Variants in CCDC82 observed in about 807,000 individuals in gnomAD.
CCDC82 encodes the protein coiled-coil domain-containing protein 82.
CCDC82 carries 47 observed loss-of-function variants against 60.6 expected under a neutral mutation model. That is an observed-to-expected ratio of 0.77 (90% confidence interval 0.61 to 0.99). The LOEUF is 0.99. Ranked by LOEUF, CCDC82 falls within the 50% of genes least tolerant of loss-of-function variation. The probability of loss-of-function intolerance (pLI) is 0.00; values close to 1 mark genes in which losing one functional copy is unlikely to be tolerated. For missense variants in CCDC82, 588 were observed against 633.0 expected, an observed-to-expected ratio of 0.93 and a Z score of 0.76; for synonymous variants, 212 against 207.4, an observed-to-expected ratio of 1.02 and a Z score of -0.19.
At chr11:96,383,205 A>AT in intron 5 of CCDC82, 64 bp downstream of exon 5, 1 of 970,918 alleles carries the variant, frequency 1.0e-6, no homozygotes, top group Non-Finnish European at 1.7e-6. Context: ...TAAAAGGCTA[A>AT]TTTGATACTT....
rs1565300322 is a variant in CCDC82 at position 96,359,166 on chromosome 11, C to T, written c.1393G>A (p.Gly465Ser). ...CTGGTACGGCTGGCACAAATTCTGC[C>T]AACAGTGAACACCTAAATCAAGAAA... ...MSHDKQVFTVGRICASRTRIY... is the reference protein window; with the variant it reads ...MSHDKQVFTVSRICASRTRIY... Residue 465 changes from glycine (G) to serine (S), a missense_variant, in exon 9 of 10, where the codon GGC becomes AGC. Coordinates refer to ENST00000646818, the MANE Select transcript of CCDC82 (RefSeq NM_024725.4). 5.7e-6 allele frequency: 9 copies of T among 1,573,114 alleles called. No homozygotes were observed. Among genetic ancestry groups the T allele is most frequent in the Non-Finnish European group, 5.1e-6 (6 of 1,167,250 alleles).
At chr11:96,383,242 G>T in intron 5 of CCDC82, 27 bp downstream of exon 5, 1 of 1,237,608 alleles carries the variant, frequency 8.1e-7, no homozygotes, top group Non-Finnish European at 1.2e-6. Flanking sequence ...AACAATTCAT[G>T]AAACATTTTC....
rs1302544404 is a variant in CCDC82, at chr11:96,384,505, A to T, written c.243T>A (p.Ser81Arg). Residue 81 changes from serine to arginine, a missense_variant, in exon 4 of 10, where the codon AGT becomes AGA. By Grantham distance (110) the Ser-to-Arg change is moderately radical. Coordinates refer to ENST00000646818, the MANE Select transcript of CCDC82 (RefSeq NM_024725.4). ...TTTTACTTAAGTTGAGCTCTCTTTC[A>T]CTTCCTGGTGTTTTATTACAATCAG... is the stretch of plus-strand genomic sequence containing the variant. ...KGPDCNKTPG[S>R]ERELNLSKIQ... The T allele has an allele frequency of 6.2e-7, 1 of 1,613,694 alleles. No individual in the cohort carries two copies. Among genetic ancestry groups the T allele is most frequent in the Admixed American group, 1.7e-5 (1 of 59,978 alleles).
chr11:96,387,888 G>A (rs1866289526), intron 1 of CCDC82: 1 of 152,114 alleles, frequency 6.6e-6, no homozygotes, highest in Non-Finnish European at 1.5e-5. Context: ...AAAATTTAAA[G>A]GAGTCCCCAG....
At chr11:96,371,399 G>A (rs1329436167) in intron 6 of CCDC82, among the ~76,000 whole-genome samples, 2 of 152,056 alleles carry the variant, frequency 1.3e-5, no homozygotes, top group East Asian at 1.9e-4. Context: ...TGGCTAACAC[G>A]GTGAAACCCC....
rs1865240663 is a variant in CCDC82, at chr11:96,371,136, A to G, written c.1086T>C (p.Asp362=). 1 of 1,586,114 alleles carries G rather than the reference A, an allele frequency of 6.3e-7. No homozygotes were observed. The highest frequency in any genetic ancestry group is 8.6e-7 in the Non-Finnish European group (1 of 1,167,178). The change falls in exon 7 of 10, where the codon GAT becomes GAC. Residue 362 remains aspartate (D), a splice_region_variant and synonymous_variant. Transcript: ENST00000646818. ...TTGCATATGATTTTTGCCTTGTGCCATCTGTTCAGGGGATAAACAACAAAA... is the reference window on the plus strand; with the variant it reads ...TTGCATATGATTTTTGCCTTGTGCCGTCTGTTCAGGGGATAAACAACAAAA... ...LDESFLGTLY[D]GTRQKSYAKD... is the part of the protein sequence containing the mutation.
At chr11:96,376,304 G>C (rs1865566782) in intron 5 of CCDC82, among the ~76,000 whole-genome samples, 1 of 151,900 alleles carries the variant, frequency 6.6e-6, no homozygotes, top group Non-Finnish European at 1.5e-5. Flanking sequence ...ACTAATTTCA[G>C]AAGAAATAAC....
chr11:96,365,137 T>C lies in CCDC82; in HGVS notation c.1223A>G (p.Asn408Ser). The C allele has an allele frequency of 6.4e-7, 1 of 1,561,112 alleles. No individual in the cohort carries two copies. Among genetic ancestry groups the C allele is most frequent in the Admixed American group, 1.9e-5 (1 of 51,480 alleles). Residue 408 changes from asparagine (N) to serine (S), a missense_variant, in exon 8 of 10, where the codon AAT (asparagine) becomes AGT (serine). Transcript: ENST00000646818. ...WKEQYKERVE[N>S]YSNVSIHLKN... ...CAAATGAATACTTACATTAGAATAA[T>C]TTTCTACTCGCTCCTGAAAACAAAA...
chr11:96,358,132 T>C, intron 9 of CCDC82: 1 of 986,196 alleles, frequency 1.0e-6, no homozygotes, highest in African/African-American at 1.7e-5. Flanking sequence ...TTTTACAAAT[T>C]TCCCTATGAT....
intron 3 of CCDC82, chr11:96,385,358 T>C (rs1205946134): frequency 6.6e-6 from 1 of 152,304 alleles, no homozygotes; most frequent in Admixed American, 6.6e-5. Context: ...AAGAGTTTTA[T>C]GCTGGAAAAA....
At chr11:96,387,507 G>A (rs947710886) in intron 2 of CCDC82, 23 bp downstream of exon 2, 3 of 152,202 alleles carry the variant, frequency 2.0e-5, no homozygotes, top group Admixed American at 1.3e-4. Context: ...CAAAGCCAAG[G>A]ACATAGAGTT....
chr11:96,383,031 T>C (rs924626114), intron 5 of CCDC82: 7 of 377,042 alleles, frequency 1.9e-5, no homozygotes, highest in African/African-American at 1.3e-4. Context: ...ATTTCTACAA[T>C]GGTAAATATT....
Position 96,384,652 on chromosome 11 carries a change from A to T in CCDC82, c.96T>A (p.Ser32Arg), listed in dbSNP as rs1408781819. 1 of 1,613,548 alleles carries T rather than the reference A, an allele frequency of 6.2e-7. No homozygotes were observed. ...SRVDWRRTKR[S>R]SISQLLDSDE... is the part of the protein sequence containing the mutation. ...CACTATCAAGTAATTGTGAGATACT[A>T]CTTCTTTTAGTTCGCCTCCAATCAA... The change falls in exon 4 of 10, where the codon AGT becomes AGA. Residue 32 changes from serine (S) to arginine (R), a missense_variant. Transcript: ENST00000646818.
intron 5 of CCDC82, chr11:96,382,466 AT>A (rs1232925523): frequency 6.6e-6 from 1 of 151,736 alleles, no homozygotes; most frequent in Non-Finnish European, 1.5e-5. Context: ...AAATATATAT[AT>A]AATGAAATAT....
intron 8 of CCDC82, among the ~76,000 whole-genome samples, chr11:96,362,898 A>T (rs1215519781): frequency 6.6e-6 from 1 of 152,208 alleles, no homozygotes; most frequent in Non-Finnish European, 1.5e-5. Context: ...GCAGCAACAC[A>T]AAATAAAGAA....
intron 8 of CCDC82, among the ~76,000 whole-genome samples, chr11:96,360,359 A>ATT (rs914429876): frequency 7.1e-6 from 1 of 140,730 alleles, no homozygotes; most frequent in Non-Finnish European, 1.5e-5. Flanking sequence ...CACGCAGCTA[A>ATT]TTTTTTTTTT....
At position 96,384,196 on chromosome 11, in the gene CCDC82, C is replaced by G. The variant is rs776469483; in HGVS notation, c.552G>C (p.Arg184Ser). The G allele has an allele frequency of 3.1e-6, 5 of 1,613,858 alleles. No individual in the cohort carries two copies. Among genetic ancestry groups the G allele is most frequent in the South Asian group, 1.1e-5 (1 of 91,074 alleles). Residue 184 changes from arginine to serine, a missense_variant, in exon 4 of 10, where the codon AGG becomes AGC. Physicochemically the swap from Arg to Ser is moderately radical, Grantham distance 110 (BLOSUM62 -1). Transcript: ENST00000646818. The stretch of plus-strand genomic sequence containing the variant: ...CACTGTCACACATCACAGAGGATAG[C>G]CTTTTTCTTTTTCCTCGCTTGATGT... ...EEDIKRGKRK[R>S]LSSVMCDSDE...
intron 9 of CCDC82, chr11:96,358,480 C>A: frequency 1.6e-6 from 2 of 1,231,040 alleles, no homozygotes; most frequent in South Asian, 8.3e-5. Context: ...TCTGCATTCC[C>A]CTCGATCTTC....
chr11:96,387,129 G>C (rs1484218597), intron 2 of CCDC82: 2 of 152,150 alleles, frequency 1.3e-5, no homozygotes, highest in Non-Finnish European at 2.9e-5. Context: ...GTTTGAATTG[G>C]GAGAAATAAT....
Sources: allele counts gnomAD v4.1 joint callset (sites outside exome capture counted in the v4.1 genomes callset), GRCh38; gene constraint gnomAD v4.1.1; transcripts MANE v1.5; gene names NCBI Gene and HGNC (gene_info 2026-07-23, HGNC 2026-07-21).